The following CLPB variants were observed in gnomAD, a reference collection of about 807,000 sequenced individuals.
The protein encoded by CLPB is ClpB family mitochondrial disaggregase.
A neutral mutation model predicts 78.4 loss-of-function variants in CLPB; 40 were observed. That is an observed-to-expected ratio of 0.51 (90% confidence interval 0.40 to 0.66). CLPB has a LOEUF of 0.66. Among genes scored for constraint, CLPB ranks in the 30% least tolerant of loss-of-function variants. CLPB has a pLI of 0.00. For missense variants in CLPB, 780 were observed against 886.9 expected (o/e 0.88, Z 1.53); for synonymous variants, 333 against 348.0 (o/e 0.96, Z 0.48).
At chr11:72,313,538 G>A (rs187488342) in intron 7 of CLPB, among the ~76,000 whole-genome samples, 6 of 152,314 alleles carry the variant, frequency 3.9e-5, no homozygotes, top group African/African-American at 1.4e-4. Flanking sequence ...CTGGTGTGCA[G>A]TAGCTCTGGA....
intron 9 of CLPB, 131 bp from the exon 10 acceptor site, chr11:72,302,479 T>C: frequency 1.3e-6 from 1 of 780,208 alleles, no homozygotes; most frequent in African/African-American, 1.7e-5. Flanking sequence ...TATCTCACGC[T>C]CAAGATGTTT....
intron 5 of CLPB, among the ~76,000 whole-genome samples, chr11:72,332,145 T>A (rs894351769): frequency 3.9e-5 from 6 of 152,220 alleles, no homozygotes; most frequent in East Asian, 3.9e-4. Context: ...TATTTTTTTT[T>A]ATTAAGATAC....
rs1168294714 is a variant in CLPB at position 72,384,719 on chromosome 11, G to A, written c.543-4335C>T. On this transcript the variant is annotated intron_variant, in intron 3 of 15. Transcript: ENST00000538039. ...ATGGAAAAAGATATGGCATGCAAAT[G>A]GGAACCAAAAGAGAGCAGAAGTACT... is the stretch of plus-strand genomic sequence containing the variant. Among the ~76,000 whole-genome samples, 8 of 152,170 alleles carry A rather than the reference G, an allele frequency of 5.3e-5. No homozygotes were observed. The East Asian group carries it at 1.5e-3, about 29-fold the overall frequency.
intron 9 of CLPB, among the ~76,000 whole-genome samples, chr11:72,306,317 G>A (rs1197536115): frequency 1.3e-5 from 2 of 152,170 alleles, no homozygotes; most frequent in African/African-American, 4.8e-5. Context: ...TGTGCTGCTG[G>A]GGCCACTTGG....
rs1949446446 is a variant in CLPB at position 72,291,174 on chromosome 11, G to A, written c.*2193C>T. Reference sequence around the variant, plus strand: ...AGATAAAGACCAAGAAACTGTCACAGGCTGACAGAGATGAAGGAAACACCA... The same window carrying A: ...AGATAAAGACCAAGAAACTGTCACAAGCTGACAGAGATGAAGGAAACACCA... On this transcript the variant is annotated 3_prime_UTR_variant, in exon 16 of 16. Transcript: ENST00000538039. 1.3e-5 allele frequency: 2 copies of A among 152,182 alleles called. No individual in the cohort carries two copies. Among genetic ancestry groups the A allele is most frequent in the African/African-American group, 4.8e-5 (2 of 41,420 alleles). The allele number at this position is 152,182 out of a possible 1,614,324, so 9.4% of individuals were successfully genotyped here.
intron 6 of CLPB, among the ~76,000 whole-genome samples, chr11:72,321,230 C>G (rs1173605031): frequency 6.6e-6 from 1 of 152,044 alleles, no homozygotes; most frequent in Non-Finnish European, 1.5e-5. Flanking sequence ...TGATAGGGAT[C>G]CACTAGAGAA....
intron 4 of CLPB, among the ~76,000 whole-genome samples, chr11:72,378,166 C>G (rs1854778028): frequency 6.6e-6 from 1 of 152,328 alleles, no homozygotes; most frequent in East Asian, 1.9e-4. Flanking sequence ...TTGAGCCCTG[C>G]TAGAATCCTG....
At chr11:72,334,470 A>G (rs552851943) in intron 5 of CLPB, among the ~76,000 whole-genome samples, 2 of 152,250 alleles carry the variant, frequency 1.3e-5, no homozygotes, top group African/African-American at 2.4e-5. Context: ...TTAGTACCCC[A>G]GCCCTGCACC....
At chr11:72,374,002 A>T (rs183569024) in intron 4 of CLPB, among the ~76,000 whole-genome samples, 3 of 150,922 alleles carry the variant, frequency 2.0e-5, no homozygotes, top group Admixed American at 6.6e-5. Flanking sequence ...TTGCTCTGAT[A>T]GTGAGCCTAG....
rs994756069 is a variant in CLPB, at chr11:72,292,473, C to T, written c.*894G>A. The T allele has an allele frequency of 7.2e-5, 11 of 152,328 alleles. No individual in the cohort carries two copies. The highest frequency in any genetic ancestry group is 2.2e-4 in the African/African-American group (9 of 41,550). 9.4% of individuals were successfully genotyped at this position (152,328 alleles called of 1,614,324 possible). A position where few individuals can be genotyped will look rare whatever the true frequency, so the allele number is the denominator to read the frequency against. On this transcript the variant is annotated 3_prime_UTR_variant, in exon 16 of 16. Transcript: ENST00000538039. Reference sequence around the variant, plus strand: ...ATAAACTGCATGTTTATTCCAGGCTCGTTTAGCTGGACGAGCAGTACAGAC... The same window carrying T: ...ATAAACTGCATGTTTATTCCAGGCTTGTTTAGCTGGACGAGCAGTACAGAC...
At chr11:72,345,070 C>CGATG (rs1163158101) in intron 5 of CLPB, among the ~76,000 whole-genome samples, 1 of 152,152 alleles carries the variant, frequency 6.6e-6, no homozygotes, top group African/African-American at 2.4e-5. Context: ...CCCTCTCATA[C>CGATG]GATGCTAATG....
chr11:72,318,872 C>G (rs1299744266), intron 6 of CLPB, among the ~76,000 whole-genome samples: 3 of 152,204 alleles, frequency 2.0e-5, no homozygotes, highest in African/African-American at 7.2e-5. Context: ...CTGCCGACTT[C>G]AGCCATAGAT....
At chr11:72,336,308 A>T (rs1950321136) in intron 5 of CLPB, among the ~76,000 whole-genome samples, 1 of 152,084 alleles carries the variant, frequency 6.6e-6, no homozygotes, top group African/African-American at 2.4e-5. Flanking sequence ...ATTGACATTC[A>T]TGCCCCTCCC....
At chr11:72,374,184 ACACTTTG>A (rs1396694784) in intron 4 of CLPB, among the ~76,000 whole-genome samples, 1 of 152,122 alleles carries the variant, frequency 6.6e-6, no homozygotes, top group Non-Finnish European at 1.5e-5. Flanking sequence ...TTCCTGCTTT[ACACTTTG>A]CCAAAACCCA....
intron 5 of CLPB, chr11:72,337,258 T>C (rs777223422): frequency 5.0e-6 from 2 of 396,284 alleles, no homozygotes; most frequent in Non-Finnish European, 4.4e-6. Context: ...TCAACATACG[T>C]ATGTACACAG....
chr11:72,340,455 G>A (rs1262009318), intron 5 of CLPB, among the ~76,000 whole-genome samples: 1 of 152,216 alleles, frequency 6.6e-6, no homozygotes, highest in African/African-American at 2.4e-5. Context: ...CAGGCAGTTT[G>A]TTACTGAGTG....
At chr11:72,351,569 T>C (rs985787748) in intron 5 of CLPB, 6 of 152,190 alleles carry the variant, frequency 3.9e-5, no homozygotes, top group South Asian at 2.1e-4. Context: ...TTTAAAAATA[T>C]AATTTTTCTT....
chr11:72,301,092 CTGTTAGGAATTTTTCTACCTACCT>C (rs928613528), intron 11 of CLPB, among the ~76,000 whole-genome samples: 1 of 152,174 alleles, frequency 6.6e-6, no homozygotes, highest in African/African-American at 2.4e-5. Context: ...TCTCCCTTGC[CTGTTAGGAATTTTTCTACCTACCT>C]TGTGAGGATT....
chr11:72,377,257 T>C (rs922908180), intron 4 of CLPB, among the ~76,000 whole-genome samples: 2 of 152,216 alleles, frequency 1.3e-5, no homozygotes, highest in African/African-American at 4.8e-5. Flanking sequence ...CCTGACCATG[T>C]GCTCTAGGAC....
Sources: gnomAD v4.1 joint callset for allele counts (sites outside exome capture counted in the v4.1 genomes callset) on GRCh38, gnomAD v4.1.1 for gene constraint, MANE v1.5 for transcripts, NCBI Gene and HGNC (gene_info 2026-07-23, HGNC 2026-07-21) for gene names.